MTHFD1: variants seen among roughly 807,000 people sequenced by gnomAD.
The protein encoded by MTHFD1 is methylenetetrahydrofolate dehydrogenase, cyclohydrolase and formyltetrahydrofolate synthetase 1.
In MTHFD1, 44 loss-of-function variants were observed where a neutral mutation model predicts 110.3. The ratio of observed to expected loss-of-function variants is 0.40; its 90% confidence interval spans 0.31 to 0.51. The LOEUF (loss-of-function observed/expected upper bound fraction) is 0.51, where lower values mean the gene tolerates loss of function less well. Ranked by LOEUF, MTHFD1 falls within the 20% of genes least tolerant of loss-of-function variation. The probability of loss-of-function intolerance (pLI) is 0.60; values close to 1 mark genes in which losing one functional copy is unlikely to be tolerated. For synonymous variants in MTHFD1, 402 were observed against 428.8 expected (o/e 0.94, Z 0.77); for missense variants, 909 against 1,173.1 (o/e 0.77, Z 3.29).
intron 27 of MTHFD1, among the ~76,000 whole-genome samples, chr14:64,459,175 A>G (rs1213549582): frequency 6.6e-6 from 1 of 152,214 alleles, no homozygotes; most frequent in Admixed American, 6.6e-5. Context: ...TTGCCACCCC[A>G]CATCTCTTCC....
At position 64,421,425 on chromosome 14, in the gene MTHFD1, T is replaced by C. The variant is rs2078069638; in HGVS notation, c.727+1500T>C. ...CTGAGCTGCCAGGAACATTAGTCAC[T>C]GTCAAGCCTTCACCGTTTTTAACCT... On this transcript the variant is annotated intron_variant, in intron 8 of 27. Coordinates refer to ENST00000652337, the MANE Select transcript of MTHFD1 (RefSeq NM_005956.4). 2.6e-5 allele frequency among the ~76,000 whole-genome samples: 4 copies of C among 152,198 alleles called. No individual in the cohort carries two copies. In the South Asian group the frequency reaches 8.3e-4, roughly 32 times the overall value.
At position 64,406,490 on chromosome 14, in the gene MTHFD1, G is replaced by T. The variant is rs1180770865; in HGVS notation, c.127-4600G>T. 4.1e-3 allele frequency among the ~76,000 whole-genome samples: 506 copies of T among 123,114 alleles called. 5 individuals carry two copies. Among genetic ancestry groups the T allele is most frequent in the African/African-American group, 9.3e-3 (300 of 32,272 alleles). The allele number at this position is 123,114 out of a possible 152,430, so 80.8% of individuals were successfully genotyped here. ...GATTTTGGAGCATTTTTTATTTGTG[G>T]TTTTTTTTTTTTTTTTTTTTGAGAC... On this transcript the variant is annotated intron_variant, in intron 2 of 27. Transcript: ENST00000652337.
At chr14:64,457,238 C>T (rs536960197) in intron 26 of MTHFD1, among the ~76,000 whole-genome samples, 8 of 152,246 alleles carry the variant, frequency 5.3e-5, no homozygotes, top group African/African-American at 1.9e-4. Flanking sequence ...CAAGACTGAA[C>T]GAAACAAAAT....
At chr14:64,447,489 T>C (rs1034220161) in intron 22 of MTHFD1, among the ~76,000 whole-genome samples, 3 of 147,024 alleles carry the variant, frequency 2.0e-5, no homozygotes, top group African/African-American at 5.1e-5. Flanking sequence ...ACTTCTCAGT[T>C]GTAGAGATGG....
intron 22 of MTHFD1, among the ~76,000 whole-genome samples, chr14:64,445,653 G>A (rs1235785469): frequency 6.6e-6 from 1 of 152,164 alleles, no homozygotes; most frequent in Non-Finnish European, 1.5e-5. Context: ...CAGTCTGCCT[G>A]TCTTCTGAGT....
intron 7 of MTHFD1, chr14:64,419,054 C>T (rs4902284): frequency 0.82 from 124,772 of 152,696 alleles, 51,183 homozygotes; most frequent in Middle Eastern, 0.93. Context: ...ACAGGGGTCT[C>T]ACTGTGTTGC....
intron 4 of MTHFD1, 27 bp from the exon 5 acceptor site, chr14:64,415,331 A>G (rs758123212): frequency 1.9e-6 from 3 of 1,593,540 alleles, no homozygotes; most frequent in Middle Eastern, 1.7e-4. Flanking sequence ...TGTGTGATAT[A>G]CAAATTATAT....
chr14:64,442,356 T>C lies in MTHFD1; in HGVS notation c.2090T>C (p.Leu697Pro). ...GGCCTCTGCCCCCACGTGGTGGTGC[T>C]TGTTGCCACTGTCAGGGCTCTCAAG... ...YSGLCPHVVVLVATVRALKMH... is the reference protein window; with the variant it reads ...YSGLCPHVVVPVATVRALKMH... The change falls in exon 21 of 28, where the codon CTT becomes CCT. Residue 697 changes from leucine to proline, a missense_variant. Coordinates refer to ENST00000652337, the MANE Select transcript of MTHFD1 (RefSeq NM_005956.4). The C allele has an allele frequency of 6.2e-7, 1 of 1,614,236 alleles. No individual in the cohort carries two copies. The highest frequency in any genetic ancestry group is 8.5e-7 in the Non-Finnish European group (1 of 1,180,034).
At chr14:64,400,620 C>G (rs193079043) in intron 1 of MTHFD1, among the ~76,000 whole-genome samples, 173 bp from the exon 2 acceptor site, 15 of 152,222 alleles carry the variant, frequency 9.9e-5, no homozygotes, top group Non-Finnish European at 1.9e-4. Flanking sequence ...CCCAGGAGGT[C>G]GAGGCTGCAG....
In MTHFD1 at chr14:64,460,003, C is replaced by T; in HGVS notation, c.*249C>T. On this transcript the variant is annotated 3_prime_UTR_variant, in exon 28 of 28. Coordinates refer to ENST00000652337, the MANE Select transcript of MTHFD1 (RefSeq NM_005956.4). ...CACAGAATAAAAGGAAACAAGTTTG[C>T]CATCTTGGTGTTGCAATATGAATTA... 5 of 1,339,470 alleles carry T rather than the reference C, an allele frequency of 3.7e-6. No homozygotes were observed. The South Asian group carries it at 5.4e-5, about 14-fold the overall frequency. The allele number at this position is 1,339,470 out of a possible 1,614,324, so 83.0% of individuals were successfully genotyped here. A position where few individuals can be genotyped will look rare whatever the true frequency, so the allele number is the denominator to read the frequency against.
intron 2 of MTHFD1, among the ~76,000 whole-genome samples, chr14:64,401,873 T>G (rs781513055): frequency 6.6e-6 from 1 of 152,242 alleles, no homozygotes; most frequent in Non-Finnish European, 1.5e-5. Flanking sequence ...TGTGCACACC[T>G]CTTTCCTGTA....
rs776914091 is a variant in MTHFD1 at position 64,454,782 on chromosome 14, A to G, written c.2625A>G (p.Pro875=). Residue 875 remains proline, a synonymous_variant, in exon 26 of 28, where the codon CCA becomes CCG. Transcript: ENST00000652337. ...AKTHLSLSHN[P]EQKGVPTGFI... ...CACACTTGTCTTTGTCTCACAACCC[A>G]GAGCAAAAAGGTGTCCCTACAGGCT... is the stretch of plus-strand genomic sequence containing the variant. 1 of 1,614,096 alleles carries G rather than the reference A, an allele frequency of 6.2e-7. No individual in the cohort carries two copies. Among genetic ancestry groups the G allele is most frequent in the East Asian group, 2.2e-5 (1 of 44,872 alleles).
intron 24 of MTHFD1, among the ~76,000 whole-genome samples, chr14:64,450,798 C>T (rs1244130270): frequency 2.0e-5 from 3 of 152,060 alleles, no homozygotes; most frequent in African/African-American, 7.3e-5. Flanking sequence ...GCCTCAACCT[C>T]CTGGACCCAA....
chr14:64,454,591 G>A, intron 25 of MTHFD1, 132 bp from the exon 26 acceptor site: 2 of 734,972 alleles, frequency 2.7e-6, no homozygotes, highest in Non-Finnish European at 4.7e-6. Context: ...AGGACAGCAA[G>A]ATAGAGATGT....
intron 18 of MTHFD1, chr14:64,440,834 A>C: frequency 4.4e-6 from 1 of 227,866 alleles, no homozygotes; most frequent in South Asian, 6.4e-5. Context: ...AGCTTGATTA[A>C]GATGCTTGTT....
chr14:64,426,000 A>C lies in MTHFD1; in HGVS notation c.954-19A>C. On this transcript the variant is annotated intron_variant, in intron 10 of 27. Coordinates refer to ENST00000652337, the MANE Select transcript of MTHFD1 (RefSeq NM_005956.4). ...ACTCAGTGGATAAACATTAATACCT[A>C]TTTTCTATGTTTCCAAAGTGACATT... 1 of 1,613,302 alleles carries C rather than the reference A, an allele frequency of 6.2e-7. No homozygotes were observed.
intron 3 of MTHFD1, among the ~76,000 whole-genome samples, chr14:64,411,597 T>G (rs1344749999): frequency 6.6e-6 from 1 of 152,152 alleles, no homozygotes; most frequent in Non-Finnish European, 1.5e-5. Flanking sequence ...GAATCTGCAT[T>G]TTTTACATAA....
At chr14:64,451,083 C>T (rs760393203) in intron 24 of MTHFD1, among the ~76,000 whole-genome samples, 13 of 152,046 alleles carry the variant, frequency 8.6e-5, no homozygotes, top group Non-Finnish European at 1.8e-4. Context: ...GCAGGAGAAT[C>T]GCTTGAACCC....
At chr14:64,449,356 T>TA in intron 23 of MTHFD1, 89 bp from the exon 24 acceptor site, 2 of 1,439,358 alleles carry the variant, frequency 1.4e-6, no homozygotes, top group Non-Finnish European at 1.9e-6. Flanking sequence ...TATCAGTGGG[T>TA]AATTCACATG....
Sources: gnomAD v4.1 joint callset for allele counts (sites outside exome capture counted in the v4.1 genomes callset) on GRCh38, gnomAD v4.1.1 for gene constraint, MANE v1.5 for transcripts, NCBI Gene and HGNC (gene_info 2026-07-23, HGNC 2026-07-21) for gene names.